PUM2: variants seen among roughly 807,000 people sequenced by gnomAD.
The protein encoded by PUM2 is pumilio homolog 2.
PUM2 carries 57 observed loss-of-function variants against 124.5 expected under a neutral mutation model. That is an observed-to-expected ratio of 0.46 (90% CI 0.37 to 0.57). The LOEUF is 0.57. Ranked by LOEUF, PUM2 falls within the 20% of genes least tolerant of loss-of-function variation. The pLI is 0.00. For synonymous variants in PUM2, 460 were observed against 446.1 expected (o/e 1.03, Z -0.39); for missense variants, 1,065 against 1,290.6 (o/e 0.83, Z 2.68).
intron 12 of PUM2, among the ~76,000 whole-genome samples, chr2:20,281,064 C>T (rs1671394714): frequency 6.6e-6 from 1 of 151,866 alleles, no homozygotes; most frequent in Non-Finnish European, 1.5e-5. Context: ...TATGTAATTG[C>T]CATAATGTGA....
chr2:20,279,232 CAAGAA>C (rs1445229483), intron 12 of PUM2, among the ~76,000 whole-genome samples: 1 of 152,026 alleles, frequency 6.6e-6, no homozygotes, highest in African/African-American at 2.4e-5. Flanking sequence ...AACTCAATGC[CAAGAA>C]AAGATTATAT....
intron 1 of PUM2, among the ~76,000 whole-genome samples, chr2:20,334,286 T>C (rs1310439189): frequency 3.3e-5 from 5 of 152,118 alleles, no homozygotes; most frequent in Non-Finnish European, 5.9e-5. Context: ...GCACTCCAGA[T>C]TGGGTGACAA....
chr2:20,266,215 G>C (rs1426938030), intron 13 of PUM2, among the ~76,000 whole-genome samples: 3 of 152,150 alleles, frequency 2.0e-5, no homozygotes. Context: ...GGCTGAGGAA[G>C]GCACATAGCT....
chr2:20,331,088 T>C (rs1001345993), intron 1 of PUM2, among the ~76,000 whole-genome samples: 5 of 151,118 alleles, frequency 3.3e-5, no homozygotes, highest in Admixed American at 6.6e-5. Context: ...AACACAGCCC[T>C]GGCACACAGA....
intron 2 of PUM2, among the ~76,000 whole-genome samples, chr2:20,320,940 T>G (rs1682175459): frequency 6.6e-6 from 1 of 152,144 alleles, no homozygotes; most frequent in Non-Finnish European, 1.5e-5. Flanking sequence ...ATCCCATACT[T>G]CATGAAGAAA....
intron 12 of PUM2, 91 bp downstream of exon 12, chr2:20,282,856 C>T: frequency 7.4e-7 from 1 of 1,349,962 alleles, no homozygotes. Flanking sequence ...TCCTTCCTAT[C>T]CTACATGCTA....
chr2:20,288,590 A>G (rs1477200592), intron 10 of PUM2, among the ~76,000 whole-genome samples: 1 of 152,216 alleles, frequency 6.6e-6, no homozygotes, highest in Non-Finnish European at 1.5e-5. Context: ...TTCAAGACGG[A>G]AAAACAATAG....
At chr2:20,305,384 G>T (rs1337031622) in intron 7 of PUM2, among the ~76,000 whole-genome samples, 1 of 133,118 alleles carries the variant, frequency 7.5e-6, no homozygotes, top group East Asian at 2.5e-4. Flanking sequence ...AGGCTGAGAT[G>T]AAAGGATTGC....
chr2:20,272,040 T>G (rs991236041), intron 13 of PUM2, among the ~76,000 whole-genome samples: 1 of 152,002 alleles, frequency 6.6e-6, no homozygotes, highest in African/African-American at 2.4e-5. Context: ...GCGCCTGTAA[T>G]CCCCACTACT....
intron 13 of PUM2, among the ~76,000 whole-genome samples, chr2:20,265,700 A>T (rs1209159764): frequency 1.3e-5 from 2 of 152,212 alleles, no homozygotes; most frequent in Admixed American, 1.3e-4. Flanking sequence ...TCACTTTATG[A>T]TAAAAACCTA....
chr2:20,253,568 C>T (rs1386124485), intron 20 of PUM2, among the ~76,000 whole-genome samples: 1 of 151,164 alleles, frequency 6.6e-6, no homozygotes. Context: ...TGGTCTCAAA[C>T]TCCTGGGCTC....
At chr2:20,307,219 TAAAC>T (rs1449948387) in intron 7 of PUM2, among the ~76,000 whole-genome samples, 2 of 151,686 alleles carry the variant, frequency 1.3e-5, no homozygotes, top group Non-Finnish European at 2.9e-5. Context: ...CTCTCCAAAA[TAAAC>T]AAACAAAAAA....
At chr2:20,342,544 T>C (rs755148458) in intron 1 of PUM2, among the ~76,000 whole-genome samples, 3 of 152,200 alleles carry the variant, frequency 2.0e-5, no homozygotes, top group Non-Finnish European at 4.4e-5. Flanking sequence ...CAAGACAACT[T>C]AAAGAAAAAT....
chr2:20,347,451 C>T (rs1428727516), intron 1 of PUM2, among the ~76,000 whole-genome samples: 3 of 152,140 alleles, frequency 2.0e-5, no homozygotes, highest in African/African-American at 7.2e-5. Flanking sequence ...GCATTTATCA[C>T]GCACCTACCT....
chr2:20,269,965 T>A (rs1002039998), intron 13 of PUM2, among the ~76,000 whole-genome samples: 4 of 152,190 alleles, frequency 2.6e-5, no homozygotes, highest in Non-Finnish European at 4.4e-5. Context: ...AGTTATGACA[T>A]CATTTCCATC....
At chr2:20,294,149 G>A (rs1674917185) in intron 9 of PUM2, among the ~76,000 whole-genome samples, 1 of 152,088 alleles carries the variant, frequency 6.6e-6, no homozygotes, top group Non-Finnish European at 1.5e-5. Context: ...TTTCAAGATC[G>A]CAAAATAACA....
chr2:20,339,812 G>A (rs1004814723), intron 1 of PUM2, among the ~76,000 whole-genome samples: 3 of 152,124 alleles, frequency 2.0e-5, no homozygotes, highest in Admixed American at 1.3e-4. Flanking sequence ...CCTGAAAGGC[G>A]GAGGTTACAG....
intron 1 of PUM2, chr2:20,333,140 G>A (rs1685263310): frequency 6.6e-6 from 1 of 152,094 alleles, no homozygotes; most frequent in African/African-American, 2.4e-5. Context: ...TTTTTCAGTA[G>A]GCAGATTATT....
intron 1 of PUM2, among the ~76,000 whole-genome samples, chr2:20,340,419 A>G (rs772591027): frequency 3.3e-5 from 5 of 152,244 alleles, no homozygotes; most frequent in Non-Finnish European, 5.9e-5. Context: ...TGAGGACCTG[A>G]TAACTGATTC....
Sources: gnomAD v4.1 joint callset for allele counts (sites outside exome capture counted in the v4.1 genomes callset) on GRCh38, gnomAD v4.1.1 for gene constraint, MANE v1.5 for transcripts, NCBI Gene and HGNC (gene_info 2026-07-23, HGNC 2026-07-21) for gene names.